The following AGR3 variants were observed in gnomAD, a reference collection of about 807,000 sequenced individuals.
AGR3 encodes anterior gradient protein 3.
In AGR3, 37 loss-of-function variants were observed where a neutral mutation model predicts 24.5. That is an observed-to-expected ratio of 1.51 (90% CI 1.16 to 1.99). The LOEUF (loss-of-function observed/expected upper bound fraction) is 1.99. AGR3 is among the 30% of genes most tolerant of loss of function. The probability of loss-of-function intolerance (pLI) is 0.00; values close to 1 mark genes in which losing one functional copy is unlikely to be tolerated. For synonymous variants in AGR3, 75 were observed against 61.6 expected (o/e 1.22, Z -1.02); for missense variants, 228 against 191.1 (o/e 1.19, Z -1.14).
rs1025413982 is a variant in AGR3, at chr7:16,864,556, C to A, written c.174-1894G>T. On this transcript the variant is annotated intron_variant, in intron 3 of 7. Coordinates refer to ENST00000310398, the MANE Select transcript of AGR3 (RefSeq NM_176813.5). Reference sequence around the variant, plus strand: ...GAAGTGTTGCTTCAGAGGGAGCCTTCCAATATCTTGGATAAGAGAAATCTG... The same window carrying A: ...GAAGTGTTGCTTCAGAGGGAGCCTTACAATATCTTGGATAAGAGAAATCTG... 5.7e-6 allele frequency: 8 copies of A among 1,400,128 alleles called. No homozygotes were observed. The African/African-American group carries it at 1.1e-4, about 20-fold the overall frequency. 86.7% of individuals were successfully genotyped at this position (1,400,128 alleles called of 1,614,324 possible).
At chr7:16,863,428 C>T (rs10276990) in intron 3 of AGR3, among the ~76,000 whole-genome samples, 1 of 151,908 alleles carries the variant, frequency 6.6e-6, no homozygotes, top group East Asian at 1.9e-4. Context: ...TTCCCTATTT[C>T]ATACATTTTT....
chr7:16,880,174 CT>C (rs148378416), intron 1 of AGR3, among the ~76,000 whole-genome samples: 211 of 116,430 alleles, frequency 1.8e-3, no homozygotes, highest in Middle Eastern at 4.1e-3. Context: ...TCCTTTCTTT[CT>C]TTTTTTTTTT....
chr7:16,878,573 CTG>C lies in AGR3; in HGVS notation c.44_45del (p.Thr15SerfsTer26). ...ATTGCAATGGCAAGGTTGGAAGAAA[CTG>C]TGACGAGTAAGAGGCAGAGACCCAA... ...SALGLCLLLV[T>X]VSSNLAIAIK... is the part of the protein sequence containing the mutation. On this transcript the variant is annotated frameshift_variant, in exon 2 of 8. Transcript: ENST00000310398. LOFTEE classifies it high-confidence loss of function. 6.2e-7 allele frequency: 1 copy of C among 1,614,118 alleles called. No homozygotes were observed. The highest frequency in any genetic ancestry group is 1.1e-5 in the South Asian group (1 of 91,082).
At chr7:16,855,522 C>A (rs572177079), downstream of AGR3, among the ~76,000 whole-genome samples, 32 of 152,276 alleles carry the variant, frequency 2.1e-4, no homozygotes, top group African/African-American at 7.7e-4. Context: ...AATTCTGTCG[C>A]CCTCCTAACA....
chr7:16,872,618 A>G (rs187141622), intron 3 of AGR3, among the ~76,000 whole-genome samples: 2 of 152,202 alleles, frequency 1.3e-5, no homozygotes, highest in Admixed American at 1.3e-4. Flanking sequence ...GGACTATGTC[A>G]CCTGAGAAGC....
intron 3 of AGR3, among the ~76,000 whole-genome samples, chr7:16,868,507 A>C (rs1781803906): frequency 6.6e-6 from 1 of 152,062 alleles, no homozygotes. Flanking sequence ...CATTTTTAAA[A>C]CACAAATTCC....
At chr7:16,865,304 A>C in intron 3 of AGR3, 1 of 1,111,708 alleles carries the variant, frequency 9.0e-7, no homozygotes, top group Non-Finnish European at 1.3e-6. Flanking sequence ...TGTTTATTGC[A>C]CTTCTCATAT....
intron 2 of AGR3, among the ~76,000 whole-genome samples, chr7:16,877,689 C>T (rs1411183348): frequency 6.6e-6 from 1 of 151,812 alleles, no homozygotes; most frequent in Non-Finnish European, 1.5e-5. Flanking sequence ...CGGTGAAACC[C>T]CGTCTCTACT....
At chr7:16,864,261 C>T in intron 3 of AGR3, 3 of 1,321,848 alleles carry the variant, frequency 2.3e-6, no homozygotes, top group East Asian at 2.3e-5. Context: ...AGCAGGCTGG[C>T]TTCTATGTCC....
downstream of AGR3, among the ~76,000 whole-genome samples, chr7:16,855,489 C>T (rs780372545): frequency 6.6e-6 from 1 of 152,112 alleles, no homozygotes; most frequent in South Asian, 2.1e-4. Flanking sequence ...GTTTAATGGC[C>T]TCCTATTGTG....
At chr7:16,860,989 TTAATCTAAAACAAATGTCAAACCAATTTA>T (rs72061035) in intron 6 of AGR3, among the ~76,000 whole-genome samples, 92,810 of 151,046 alleles carry the variant, frequency 0.61, 29,245 homozygotes, top group East Asian at 0.74. Flanking sequence ...TTTTTGTTTC[TTAATCTAAAACAAATGTCAAACCAATTTA>T]TAATCTAAAA....
At chr7:16,861,785 C>T (rs1781648670) in intron 5 of AGR3, among the ~76,000 whole-genome samples, 199 bp downstream of exon 5, 1 of 151,742 alleles carries the variant, frequency 6.6e-6, no homozygotes, top group African/African-American at 2.4e-5. Context: ...CCTGTAGTCC[C>T]AGCTACTTGG....
chr7:16,866,038 A>T (rs1285289318), intron 3 of AGR3: 1 of 641,866 alleles, frequency 1.6e-6, no homozygotes, highest in Admixed American at 2.3e-5. Flanking sequence ...TTATCTACCC[A>T]TGGTTCATTT....
At chr7:16,870,859 C>G (rs1781851581) in intron 3 of AGR3, among the ~76,000 whole-genome samples, 1 of 152,040 alleles carries the variant, frequency 6.6e-6, no homozygotes, top group Non-Finnish European at 1.5e-5. Context: ...TCTTTCTTTT[C>G]TAATGCTTGT....
chr7:16,872,106 C>G (rs1423683923), intron 3 of AGR3, among the ~76,000 whole-genome samples: 1 of 151,192 alleles, frequency 6.6e-6, no homozygotes, highest in Non-Finnish European at 1.5e-5. Flanking sequence ...AGAAAAAAAT[C>G]TTCAAATTTG....
At chr7:16,860,609 A>C (rs893447841) in intron 6 of AGR3, 26 bp from the exon 7 acceptor site, 4 of 1,522,718 alleles carry the variant, frequency 2.6e-6, no homozygotes, top group Non-Finnish European at 3.6e-6. Flanking sequence ...CCAAGTCACG[A>C]AAGTATAATT....
intron 3 of AGR3, among the ~76,000 whole-genome samples, chr7:16,867,037 A>T (rs1583839582): frequency 6.6e-6 from 1 of 152,112 alleles, no homozygotes. Context: ...ACAGGACTAA[A>T]ATTAGAGGCT....
chr7:16,857,057 A>G (rs1482822590), downstream of AGR3, among the ~76,000 whole-genome samples: 3 of 151,108 alleles, frequency 2.0e-5, no homozygotes, highest in African/African-American at 7.3e-5. Flanking sequence ...AGACTTGATC[A>G]TAGCTCATTG....
At chr7:16,873,477 A>C (rs1781923533) in intron 3 of AGR3, 1 of 241,600 alleles carries the variant, frequency 4.1e-6, no homozygotes, top group South Asian at 7.9e-5. Context: ...GAGGTTGATT[A>C]ATAGATGCAA....
Sources: gnomAD v4.1 joint callset for allele counts (sites outside exome capture counted in the v4.1 genomes callset) on GRCh38, gnomAD v4.1.1 for gene constraint, MANE v1.5 for transcripts, NCBI Gene and HGNC (gene_info 2026-07-23, HGNC 2026-07-21) for gene names.